Variants in MROH1 observed in about 807,000 individuals in gnomAD.
The protein encoded by MROH1 is maestro heat like repeat family member 1, also known as maestro heat-like repeat-containing protein family member 1.
Under a neutral mutation model 116.5 loss-of-function variants are expected in MROH1, and 117 were observed. The ratio of observed to expected loss-of-function variants is 1.00; its 90% CI spans 0.86 to 1.17. The LOEUF (loss-of-function observed/expected upper bound fraction) is 1.17, where lower values mean the gene tolerates loss of function less well. Among genes scored for constraint, MROH1 ranks in the 50% most tolerant of loss-of-function variants. The pLI is 0.00. For synonymous variants in MROH1, 921 were observed against 583.9 expected (o/e 1.58, Z -8.32); for missense variants, 1,873 against 1,338.5 (o/e 1.40, Z -6.23).
Position 144,248,865 on chromosome 8 carries a change from C to T in MROH1, c.3121-12C>T, listed in dbSNP as rs1395759009. The T allele has an allele frequency of 2.6e-6, 2 of 778,144 alleles. No homozygotes were observed. The highest frequency in any genetic ancestry group is 4.8e-6 in the Non-Finnish European group (2 of 416,928). The allele number at this position is 778,144 out of a possible 1,614,324, so 48.2% of individuals were successfully genotyped here. A position where few individuals can be genotyped will look rare whatever the true frequency, so the allele number is the denominator to read the frequency against. On this transcript the variant is annotated splice_polypyrimidine_tract_variant and intron_variant, in intron 31 of 43. Coordinates refer to ENST00000326134, the MANE Select transcript of MROH1 (RefSeq NM_032450.3). ...CCCCTTCCCTCAACCTCTGGCATCG[C>T]CTTCCTCCTAGATTATTGCCAAGCG...
intron 12 of MROH1, among the ~76,000 whole-genome samples, chr8:144,215,372 G>A (rs1835006342): frequency 1.3e-5 from 2 of 152,186 alleles, no homozygotes; most frequent in South Asian, 4.1e-4. Flanking sequence ...TGGGCTTACT[G>A]AAGAGCTGGA....
Position 144,171,590 on chromosome 8 carries a change from G to A in MROH1, c.168+3150G>A, listed in dbSNP as rs562364969. On this transcript the variant is annotated intron_variant, in intron 4 of 43. Transcript: ENST00000326134. The stretch of plus-strand genomic sequence containing the variant: ...ATTTCACCTCAGTGTGCTTGCTGGA[G>A]CCCATTCACCCAACTCCTGAGATCC... Among the ~76,000 whole-genome samples the A allele has an allele frequency of 5.3e-5, 8 of 152,338 alleles. No homozygotes were observed. The East Asian group carries it at 1.5e-3, about 29-fold the overall frequency.
chr8:144,210,082 A>G (rs1208072254), intron 12 of MROH1, among the ~76,000 whole-genome samples: 2 of 151,402 alleles, frequency 1.3e-5, no homozygotes, highest in Non-Finnish European at 2.9e-5. Flanking sequence ...ACTCCCCAAC[A>G]AGTAACAGCT....
intron 2 of MROH1, among the ~76,000 whole-genome samples, chr8:144,162,156 C>A (rs1819703549): frequency 6.6e-6 from 1 of 150,626 alleles, no homozygotes; most frequent in Non-Finnish European, 1.5e-5. Flanking sequence ...ACGATCTCAG[C>A]TCACTGCGAC....
chr8:144,203,853 A>G (rs1409337941), intron 12 of MROH1, among the ~76,000 whole-genome samples: 1 of 152,188 alleles, frequency 6.6e-6, no homozygotes. Flanking sequence ...TTTTCCATTC[A>G]GAAGTTCAAC....
chr8:144,255,447 G>C, intron 34 of MROH1, 62 bp from the exon 35 acceptor site: 1 of 754,086 alleles, frequency 1.3e-6, no homozygotes, highest in Non-Finnish European at 2.5e-6. Context: ...CTCATTGGGT[G>C]CAGGGCTCAG....
At chr8:144,149,760 G>C (rs1178060157) in intron 1 of MROH1, among the ~76,000 whole-genome samples, 1 of 152,090 alleles carries the variant, frequency 6.6e-6, no homozygotes, top group Non-Finnish European at 1.5e-5. Flanking sequence ...CCCATCATGA[G>C]AAATGTGCTT....
chr8:144,181,460 G>C (rs1825706973), intron 7 of MROH1, among the ~76,000 whole-genome samples: 1 of 152,140 alleles, frequency 6.6e-6, no homozygotes, highest in Admixed American at 6.5e-5. Context: ...TGGTGACTTT[G>C]GGTTCAGATC....
intron 7 of MROH1, among the ~76,000 whole-genome samples, chr8:144,188,657 G>A (rs1030150649): frequency 9.9e-5 from 15 of 151,746 alleles, no homozygotes; most frequent in Admixed American, 3.3e-4. Flanking sequence ...TAGTACAGAC[G>A]GGGTGTCAAC....
At chr8:144,226,837 T>G (rs544291950) in intron 14 of MROH1, among the ~76,000 whole-genome samples, 2 of 152,282 alleles carry the variant, frequency 1.3e-5, no homozygotes, top group East Asian at 3.8e-4. Flanking sequence ...TTTAGTTCCT[T>G]TGTTTTTCCC....
intron 12 of MROH1, among the ~76,000 whole-genome samples, chr8:144,202,091 C>T (rs944514075): frequency 1.3e-5 from 2 of 151,926 alleles, no homozygotes; most frequent in Non-Finnish European, 2.9e-5. Flanking sequence ...GTGCGAAAGT[C>T]ACCAGGTTAA....
rs868990993 is a variant in MROH1 at position 144,233,567 on chromosome 8, C to T, written c.1339-5189C>T. The stretch of plus-strand genomic sequence containing the variant: ...TTCTCTCTCTACGAATTTCACTGCT[C>T]GAGGCACTTCGTGTAAGTGGACGTA... On this transcript the variant is annotated intron_variant, in intron 14 of 43. Coordinates refer to ENST00000326134, the MANE Select transcript of MROH1 (RefSeq NM_032450.3). Among the ~76,000 whole-genome samples the T allele has an allele frequency of 2.6e-5, 4 of 152,124 alleles. No homozygotes were observed. The East Asian group carries it at 5.8e-4, about 22-fold the overall frequency.
intron 19 of MROH1, 32 bp from the exon 20 acceptor site, chr8:144,240,538 T>C: frequency 1.4e-6 from 1 of 714,796 alleles, no homozygotes; most frequent in Non-Finnish European, 2.6e-6. Context: ...GGGGTCGGGC[T>C]CCCAGCCCCT....
intron 1 of MROH1, among the ~76,000 whole-genome samples, chr8:144,150,490 G>A (rs1816459116): frequency 6.6e-6 from 1 of 152,210 alleles, no homozygotes. Context: ...GAGGCTTGTT[G>A]GGGCCGTTCT....
chr8:144,183,837 C>T (rs763586478), intron 7 of MROH1, among the ~76,000 whole-genome samples: 2 of 151,818 alleles, frequency 1.3e-5, no homozygotes, highest in African/African-American at 2.4e-5. Context: ...TTAGTGGAGA[C>T]GGGGTTTCAC....
chr8:144,197,830 T>C (rs1830279046), intron 10 of MROH1, among the ~76,000 whole-genome samples: 1 of 148,242 alleles, frequency 6.7e-6, no homozygotes, highest in Admixed American at 6.7e-5. Context: ...TCCCAGCACT[T>C]TGGGAGGCCG....
chr8:144,236,975 G>C (rs1165873023), intron 14 of MROH1, among the ~76,000 whole-genome samples: 2 of 123,728 alleles, frequency 1.6e-5, no homozygotes, highest in African/African-American at 6.2e-5. Flanking sequence ...GGGTAATCTC[G>C]ACTCACTGCA....
At chr8:144,175,020 C>T in intron 4 of MROH1, 2 of 985,422 alleles carry the variant, frequency 2.0e-6, no homozygotes, top group Admixed American at 6.1e-5. Context: ...AAAGATTTCC[C>T]TCAAACTTCC....
In MROH1 at chr8:144,232,482, A is replaced by G. The variant is rs575295303; in HGVS notation, c.1339-6274A>G. The stretch of plus-strand genomic sequence containing the variant: ...GAGTGCTTTGTTTGTTTGTTTATTT[A>G]TTTATTTATTTATTTATTTATTTAT... On this transcript the variant is annotated intron_variant, in intron 14 of 43. Transcript: ENST00000326134. 3.4e-3 allele frequency among the ~76,000 whole-genome samples: 495 copies of G among 145,630 alleles called. 2 individuals are homozygous for G. The highest frequency in any genetic ancestry group is 0.013 in the African/African-American group (484 of 38,210).
Sources: allele counts gnomAD v4.1 joint callset (sites outside exome capture counted in the v4.1 genomes callset), GRCh38; gene constraint gnomAD v4.1.1; transcripts MANE v1.5; gene names NCBI Gene and HGNC (gene_info 2026-07-23, HGNC 2026-07-21).